Variants in CCSER2 observed in about 807,000 individuals in gnomAD.
CCSER2 encodes the protein coiled-coil serine rich protein 2, also known as serine-rich coiled-coil domain-containing protein 2.
In CCSER2, 46 loss-of-function variants were observed where a neutral mutation model predicts 92.3. The observed-to-expected ratio is 0.50, with a 90% CI of 0.39 to 0.64. The LOEUF is 0.64. Among genes scored for constraint, CCSER2 ranks in the 30% least tolerant of loss-of-function variants. The pLI, the probability that CCSER2 is intolerant of heterozygous loss-of-function variation, is 0.00. For missense variants in CCSER2, 1,244 were observed against 1,238.9 expected, an observed-to-expected ratio of 1.00 and a Z score of -0.06; for synonymous variants, 433 against 431.4, an observed-to-expected ratio of 1.00 and a Z score of -0.04.
At position 84,483,953 on chromosome 10, in the gene CCSER2, T is replaced by TTATA. The variant is rs57427963; in HGVS notation, c.2325+6330_2325+6333dup. Among the ~76,000 whole-genome samples the TTATA allele has an allele frequency of 4.7e-3, 223 of 47,848 alleles. 3 individuals carry two copies. The highest frequency in any genetic ancestry group is 0.017 in the East Asian group (17 of 990). The allele number at this position is 47,848 out of a possible 152,430, so 31.4% of individuals were successfully genotyped here. ...GTGCATCCCACCACACCCGGCTAAT[T>TTATA]TATATATATATATATATATATATAT... On this transcript the variant is annotated intron_variant, in intron 9 of 9. Coordinates refer to ENST00000372088, the MANE Select transcript of CCSER2 (RefSeq NM_001284240.2).
intron 1 of CCSER2, among the ~76,000 whole-genome samples, chr10:84,370,504 G>A (rs1846004654): frequency 6.6e-6 from 1 of 151,978 alleles, no homozygotes. Flanking sequence ...ATCAAATCTT[G>A]GAATCTTTTG....
chr10:84,481,065 T>C (rs1286316803), intron 9 of CCSER2, among the ~76,000 whole-genome samples: 1 of 152,168 alleles, frequency 6.6e-6, no homozygotes, highest in Non-Finnish European at 1.5e-5. Flanking sequence ...GACCAGAAAG[T>C]GGCTTGGTGG....
chr10:84,386,511 G>A (rs558308389), intron 3 of CCSER2, among the ~76,000 whole-genome samples: 93 of 152,286 alleles, frequency 6.1e-4, no homozygotes, highest in African/African-American at 2.2e-3. Context: ...GAGGCCAGGA[G>A]TTCAAGACCA....
chr10:84,359,885 C>G (rs943331521), intron 1 of CCSER2, among the ~76,000 whole-genome samples: 43 of 152,110 alleles, frequency 2.8e-4, no homozygotes, highest in African/African-American at 9.4e-4. Flanking sequence ...GCAATGTCAG[C>G]TCACTGCAAC....
rs1462093346 is a variant in CCSER2, at chr10:84,441,734, ATGTTT to A, written c.2064+3029_2064+3033del. Among the ~76,000 whole-genome samples, 500 of 106,414 alleles carry A rather than the reference ATGTTT, an allele frequency of 4.7e-3. 30 individuals are homozygous for A. Among genetic ancestry groups the A allele is most frequent in the South Asian group, 9.8e-3 (29 of 2,962 alleles). 69.8% of individuals were successfully genotyped at this position (106,414 alleles called of 152,430 possible). A position where few individuals can be genotyped will look rare whatever the true frequency, so the allele number is the denominator to read the frequency against. Reference sequence around the variant, plus strand: ...GGGAATAAAGTAGAAGACTGGGAAAATGTTTTTTTTTTTTTTTTTTTTTTTTTTTT... The same window carrying A: ...GGGAATAAAGTAGAAGACTGGGAAAATTTTTTTTTTTTTTTTTTTTTTTTT... On this transcript the variant is annotated intron_variant, in intron 6 of 9. Transcript: ENST00000372088.
intron 3 of CCSER2, among the ~76,000 whole-genome samples, chr10:84,401,466 A>C (rs932590631): frequency 6.6e-6 from 1 of 152,216 alleles, no homozygotes; most frequent in Non-Finnish European, 1.5e-5. Context: ...CCTTAAAAGC[A>C]CAAACTACTA....
intron 1 of CCSER2, among the ~76,000 whole-genome samples, chr10:84,362,805 T>C (rs1458906069): frequency 6.6e-6 from 1 of 152,006 alleles, no homozygotes; most frequent in Admixed American, 6.6e-5. Flanking sequence ...TTTGCTTATT[T>C]AATTGGTATT....
chr10:84,508,448 T>C (rs1311302499), intron 9 of CCSER2, among the ~76,000 whole-genome samples: 1 of 152,208 alleles, frequency 6.6e-6, no homozygotes, highest in Non-Finnish European at 1.5e-5. Flanking sequence ...CATTTCAGGG[T>C]AGTGGGATTA....
Position 84,513,746 on chromosome 10 carries a change from A to G in CCSER2, c.2623A>G (p.Asn875Asp), listed in dbSNP as rs1849488416. 10 of 1,537,304 alleles carry G rather than the reference A, an allele frequency of 6.5e-6. No individual in the cohort carries two copies. Among genetic ancestry groups the G allele is most frequent in the Admixed American group, 2.0e-5 (1 of 50,982 alleles). ...TGCTCAAGAGCCTTATCATTTGGCA[A>G]ACAATCAAATTAGTGACATGCAGTT... ...VNAQEPYHLA[N>D]NQISDMQFIP... The change falls in exon 10 of 10, where the codon AAC becomes GAC. Residue 875 changes from asparagine to aspartate, a missense_variant. By Grantham distance (23) the Asn-to-Asp change is conservative. Transcript: ENST00000372088.
chr10:84,418,732 T>C (rs1842995334), intron 4 of CCSER2, among the ~76,000 whole-genome samples: 1 of 152,218 alleles, frequency 6.6e-6, no homozygotes, highest in Non-Finnish European at 1.5e-5. Context: ...TACAAGCTTA[T>C]ATTTGTCATA....
rs894631045 is a variant in CCSER2 at position 84,346,824 on chromosome 10, C to T, written c.-40+18016C>T. 2.6e-5 allele frequency among the ~76,000 whole-genome samples: 4 copies of T among 151,326 alleles called. No individual in the cohort carries two copies. In the East Asian group the frequency reaches 5.8e-4, roughly 22 times the overall value. On this transcript the variant is annotated intron_variant, in intron 1 of 9. Coordinates refer to ENST00000372088, the MANE Select transcript of CCSER2 (RefSeq NM_001284240.2). ...TTATTGATCATTCTTGGGTGTTTCT[C>T]GCAGAGGGGGATTTGGCAGGGTCAT...
intron 1 of CCSER2, among the ~76,000 whole-genome samples, chr10:84,333,127 C>T (rs550225854): frequency 6.6e-6 from 1 of 152,186 alleles, no homozygotes; most frequent in Non-Finnish European, 1.5e-5. Context: ...ATTTTTATGA[C>T]AGCAATATAT....
chr10:84,494,883 A>G (rs996352415), intron 9 of CCSER2, among the ~76,000 whole-genome samples: 5 of 152,108 alleles, frequency 3.3e-5, no homozygotes. Context: ...CACACAGGAA[A>G]TTTTGGGTGA....
At chr10:84,391,484 C>A (rs1420175769) in intron 3 of CCSER2, 6 of 1,556,728 alleles carry the variant, frequency 3.9e-6, no homozygotes, top group Non-Finnish European at 3.5e-6. Context: ...GCATGTTAAG[C>A]CTTGTATAGC....
chr10:84,389,277 T>C, intron 3 of CCSER2: 1 of 511,864 alleles, frequency 2.0e-6, no homozygotes, highest in Non-Finnish European at 3.9e-6. Flanking sequence ...ATCTCTTTAA[T>C]CGTTCCAGAG....
chr10:84,363,969 G>A (rs1006768794), intron 1 of CCSER2, among the ~76,000 whole-genome samples: 1 of 152,156 alleles, frequency 6.6e-6, no homozygotes, highest in Non-Finnish European at 1.5e-5. Context: ...CTACAAACCT[G>A]TACAGCATAT....
chr10:84,445,374 C>A lies in CCSER2; in HGVS notation c.2064+6667C>A, dbSNP rs190313006. Among the ~76,000 whole-genome samples the A allele has an allele frequency of 2.6e-5, 4 of 152,272 alleles. No individual in the cohort carries two copies. In the East Asian group the frequency reaches 7.7e-4, roughly 29 times the overall value. The stretch of plus-strand genomic sequence containing the variant: ...TTCACCATGTTAGCCAGGATGACCT[C>A]GATCTCCTGACCTTGTGATCCACCC... On this transcript the variant is annotated intron_variant, in intron 6 of 9. Transcript: ENST00000372088.
At chr10:84,386,663 G>A (rs1350664668) in intron 3 of CCSER2, among the ~76,000 whole-genome samples, 5 of 152,324 alleles carry the variant, frequency 3.3e-5, no homozygotes, top group Admixed American at 6.5e-5. Context: ...CTGCAATGGC[G>A]GAGGCTGCGG....
chr10:84,466,789 A>G (rs2133690029), intron 7 of CCSER2, among the ~76,000 whole-genome samples: 1 of 151,974 alleles, frequency 6.6e-6, no homozygotes, highest in South Asian at 2.1e-4. Context: ...CTGGGATTAC[A>G]GGCGTAAGCC....
Sources: gnomAD v4.1 joint callset for allele counts (sites outside exome capture counted in the v4.1 genomes callset) on GRCh38, gnomAD v4.1.1 for gene constraint, MANE v1.5 for transcripts, NCBI Gene and HGNC (gene_info 2026-07-23, HGNC 2026-07-21) for gene names.